UBE2F: variants seen among roughly 807,000 people sequenced by gnomAD.
The protein encoded by UBE2F is ubiquitin conjugating enzyme E2 F (putative).
A neutral mutation model predicts 29.6 loss-of-function variants in UBE2F; 5 were observed. That is an observed-to-expected ratio of 0.17 (90% confidence interval 0.09 to 0.36). The LOEUF (loss-of-function observed/expected upper bound fraction) is 0.36. UBE2F is among the 10% of genes least tolerant of loss of function. The probability of loss-of-function intolerance (pLI) is 1.00; values close to 1 mark genes in which losing one functional copy is unlikely to be tolerated. For synonymous variants in UBE2F, 66 were observed against 81.8 expected (o/e 0.81, Z 1.04); for missense variants, 141 against 228.5 (o/e 0.62, Z 2.47).
At chr2:237,968,823 T>G (rs1374852628) in intron 1 of UBE2F, 28 of 984,646 alleles carry the variant, frequency 2.8e-5, no homozygotes, top group Admixed American at 6.2e-5. Flanking sequence ...GAGCGTAATT[T>G]GCAGGAAAGA....
chr2:238,008,352 A>G (rs1020031428), intron 4 of UBE2F, among the ~76,000 whole-genome samples: 4 of 152,194 alleles, frequency 2.6e-5, no homozygotes, highest in Non-Finnish European at 5.9e-5. Flanking sequence ...TATAAACACA[A>G]TTTCTAATAG....
intron 7 of UBE2F, among the ~76,000 whole-genome samples, chr2:238,031,699 A>C (rs2064585801): frequency 6.6e-6 from 1 of 152,252 alleles, no homozygotes. Flanking sequence ...AGTTTTATTT[A>C]ATGAAAATCT....
At chr2:238,038,938 T>C (rs1296108732) in intron 9 of UBE2F, among the ~76,000 whole-genome samples, 1 of 152,196 alleles carries the variant, frequency 6.6e-6, no homozygotes, top group Non-Finnish European at 1.5e-5. Flanking sequence ...AGGCGGAGCA[T>C]AGGTGAACAA....
chr2:237,982,186 T>TC lies in UBE2F; in HGVS notation c.119-5775dup, dbSNP rs553339286. The stretch of plus-strand genomic sequence containing the variant: ...GAGTGGCGAATGTGCAGCCAGGGCT[T>TC]CCATTCCTTTCTTTATCAGGTGTTG... On this transcript the variant is annotated intron_variant, in intron 2 of 9. Transcript: ENST00000272930. The surrounding 1 kb of genome is among the most constrained non-coding windows in gnomAD (Gnocchi z 4.1). 7.4e-4 allele frequency among the ~76,000 whole-genome samples: 112 copies of TC among 152,306 alleles called. No homozygotes were observed. The highest frequency in any genetic ancestry group is 2.6e-3 in the African/African-American group (107 of 41,564).
At chr2:237,980,589 A>G (rs1228604620) in intron 2 of UBE2F, among the ~76,000 whole-genome samples, 1 of 152,134 alleles carries the variant, frequency 6.6e-6, no homozygotes, top group African/African-American at 2.4e-5. Flanking sequence ...CAACATATGA[A>G]TTTGGGGGTG....
At chr2:237,984,199 C>T (rs2063434403) in intron 2 of UBE2F, among the ~76,000 whole-genome samples, 1 of 152,172 alleles carries the variant, frequency 6.6e-6, no homozygotes, top group Non-Finnish European at 1.5e-5. Context: ...GGAACCTCTC[C>T]ATTCTGTTTG....
At chr2:237,968,583 T>C (rs942217295) in intron 1 of UBE2F, among the ~76,000 whole-genome samples, 4 of 152,190 alleles carry the variant, frequency 2.6e-5, no homozygotes, top group African/African-American at 9.7e-5. Context: ...GACTGGCCCC[T>C]GGTGTCCCTG....
chr2:238,025,776 T>C lies in UBE2F; in HGVS notation c.353+364T>C, dbSNP rs937266699. 3.1e-4 allele frequency among the ~76,000 whole-genome samples: 47 copies of C among 152,214 alleles called. 1 individual carries two copies. The highest frequency in any genetic ancestry group is 2.1e-4 in the South Asian group (1 of 4,830). On this transcript the variant is annotated intron_variant, in intron 6 of 9. Transcript: ENST00000272930. ...AGCTAAGATGAGAAAATATGATTAA[T>C]GATAGATACCCAGGAGAAAAAATGT... is the stretch of plus-strand genomic sequence containing the variant.
At chr2:237,984,461 T>C (rs1271719011) in intron 2 of UBE2F, among the ~76,000 whole-genome samples, 1 of 152,268 alleles carries the variant, frequency 6.6e-6, no homozygotes, top group Non-Finnish European at 1.5e-5. Flanking sequence ...TGCTTTTCCA[T>C]GCACTGTGCT....
chr2:238,009,620 A>G (rs1373345396), intron 4 of UBE2F, among the ~76,000 whole-genome samples: 1 of 152,146 alleles, frequency 6.6e-6, no homozygotes, highest in African/African-American at 2.4e-5. Flanking sequence ...GCATCTCTAT[A>G]CAATAGCTGT....
intron 2 of UBE2F, 95 bp from the exon 3 acceptor site, chr2:237,987,868 T>C (rs1369943263): frequency 1.9e-5 from 13 of 669,816 alleles, no homozygotes; most frequent in Non-Finnish European, 3.1e-5. Context: ...TTTTTTTTTT[T>C]GATTCAGTGT....
At chr2:237,973,799 T>G in intron 2 of UBE2F, 1 of 779,052 alleles carries the variant, frequency 1.3e-6, no homozygotes, top group South Asian at 2.1e-5. Flanking sequence ...TATGAGAGTA[T>G]GCGTGCATGC....
At position 237,967,139 on chromosome 2, in the gene UBE2F, AGCGACCGTGCG is replaced by A; in HGVS notation, c.-17+10_-17+20del. On this transcript the variant is annotated splice_region_variant and intron_variant, in intron 1 of 9. Transcript: ENST00000272930. This position sits in a 1 kb window ranked among gnomAD's most constrained non-coding sequence, Gnocchi z 6.3. Reference sequence around the variant, plus strand: ...CCTGTCTCGGGGAGCCCAGGTGAGGAGCGACCGTGCGGCTCTGCGGCGGGGCGAGGTGCGGC... The same window carrying A: ...CCTGTCTCGGGGAGCCCAGGTGAGGAGCTCTGCGGCGGGGCGAGGTGCGGC... 7.7e-7 allele frequency: 1 copy of A among 1,290,622 alleles called. No individual in the cohort carries two copies. The highest frequency in any genetic ancestry group is 9.9e-7 in the Non-Finnish European group (1 of 1,015,070). The allele number at this position is 1,290,622 out of a possible 1,614,324, so 79.9% of individuals were successfully genotyped here. A position where few individuals can be genotyped will look rare whatever the true frequency, so the allele number is the denominator to read the frequency against.
At chr2:238,015,068 A>G (rs1483187424) in intron 4 of UBE2F, among the ~76,000 whole-genome samples, 1 of 152,248 alleles carries the variant, frequency 6.6e-6, no homozygotes, top group East Asian at 1.9e-4. Context: ...CAGTTGATGA[A>G]TGAATGAGCT....
Position 238,041,358 on chromosome 2 carries a change from G to T in UBE2F, c.*20G>T. 6.2e-7 allele frequency: 1 copy of T among 1,613,268 alleles called. No homozygotes were observed. The highest frequency in any genetic ancestry group is 8.5e-7 in the Non-Finnish European group (1 of 1,179,510). On this transcript the variant is annotated 3_prime_UTR_variant, in exon 10 of 10. Coordinates refer to ENST00000272930, the MANE Select transcript of UBE2F (RefSeq NM_080678.3). ...AGATGATAAAAGGGGACGATTGCAG[G>T]CCCATGGACTGTGTTACAGTTTGTC...
intron 2 of UBE2F, chr2:237,986,291 AG>A: frequency 4.1e-6 from 1 of 244,154 alleles, no homozygotes; most frequent in Non-Finnish European, 8.4e-6. Flanking sequence ...TTGGGACTAC[AG>A]GTGTGTGCCA....
At position 238,032,247 on chromosome 2, in the gene UBE2F, T is replaced by C; in HGVS notation, c.437T>C (p.Leu146Ser). 1 of 1,612,986 alleles carries C rather than the reference T, an allele frequency of 6.2e-7. No individual in the cohort carries two copies. Among genetic ancestry groups the C allele is most frequent in the Non-Finnish European group, 8.5e-7 (1 of 1,179,190 alleles). ...LKDVVWGLNS[L>S]FTDLLNFDDP... is the part of the protein sequence containing the mutation. Reference sequence around the variant, plus strand: ...GATGTCGTTTGGGGATTAAACTCTTTGTTTACTGTAAGTACAGTGATCAAA... The same window carrying C: ...GATGTCGTTTGGGGATTAAACTCTTCGTTTACTGTAAGTACAGTGATCAAA... The change falls in exon 8 of 10, where the codon TTG (leucine) becomes TCG (serine). Residue 146 changes from leucine (L) to serine (S), a missense_variant. Physicochemically the swap from Leu to Ser is moderately radical, Grantham distance 145. Transcript: ENST00000272930.
At chr2:237,991,596 C>CTTTT (rs1364457337) in intron 3 of UBE2F, among the ~76,000 whole-genome samples, 38 of 50,080 alleles carry the variant, frequency 7.6e-4, no homozygotes, top group South Asian at 1.1e-3. Context: ...CCTTTCTTTT[C>CTTTT]TTTTCTTTCT....
At chr2:238,009,711 C>T (rs780827505) in intron 4 of UBE2F, among the ~76,000 whole-genome samples, 2 of 152,308 alleles carry the variant, frequency 1.3e-5, no homozygotes, top group Admixed American at 1.3e-4. Context: ...CTCCTGCCTC[C>T]GCTCACACTC....
Sources: gnomAD v4.1 joint callset for allele counts (sites outside exome capture counted in the v4.1 genomes callset) on GRCh38, gnomAD v4.1.1 for gene constraint, Gnocchi (gnomAD v3.1) non-coding constraint, MANE v1.5 for transcripts, NCBI Gene and HGNC (gene_info 2026-07-23, HGNC 2026-07-21) for gene names.